PACRG: variants seen among roughly 807,000 people sequenced by gnomAD.
PACRG encodes the protein parkin coregulated gene protein.
A neutral mutation model predicts 29.7 loss-of-function variants in PACRG; 29 were observed. The ratio of observed to expected loss-of-function variants is 0.98; its 90% CI spans 0.73 to 1.33. The LOEUF (loss-of-function observed/expected upper bound fraction) is 1.33, where lower values mean the gene tolerates loss of function less well. Among genes scored for constraint, PACRG ranks in the 40% most tolerant of loss-of-function variants. The pLI is 0.00. For missense variants in PACRG, 279 were observed against 316.2 expected, an observed-to-expected ratio of 0.88 and a Z score of 0.89; for synonymous variants, 116 against 118.7, an observed-to-expected ratio of 0.98 and a Z score of 0.15.
chr6:163,012,657 G>A (rs1187660485), intron 2 of PACRG, among the ~76,000 whole-genome samples: 1 of 152,224 alleles, frequency 6.6e-6, no homozygotes, highest in Non-Finnish European at 1.5e-5. Context: ...AGCTGTGCCA[G>A]GCTGTGAACC....
intron 2 of PACRG, among the ~76,000 whole-genome samples, chr6:162,938,947 T>C (rs1039518476): frequency 2.0e-5 from 3 of 152,332 alleles, no homozygotes; most frequent in East Asian, 1.9e-4. Flanking sequence ...TCCCACTCTG[T>C]GGGTTGTCTA....
intron 4 of PACRG, among the ~76,000 whole-genome samples, chr6:163,254,103 G>C (rs774342333): frequency 2.6e-5 from 4 of 152,184 alleles, no homozygotes; most frequent in East Asian, 1.9e-4. Flanking sequence ...CTTGGGCATC[G>C]GGACAGCAGC....
intron 1 of PACRG, among the ~76,000 whole-genome samples, chr6:162,789,187 T>A (rs1784746586): frequency 6.6e-6 from 1 of 152,170 alleles, no homozygotes; most frequent in South Asian, 2.1e-4. Context: ...ATGGAAAATA[T>A]GTTTCTTCCC....
intron 3 of PACRG, among the ~76,000 whole-genome samples, chr6:163,063,345 C>G (rs1434116774): frequency 1.3e-5 from 2 of 152,124 alleles, no homozygotes; most frequent in Non-Finnish European, 2.9e-5. Context: ...CAAGTTCTAC[C>G]TCATCTTCCA....
chr6:163,144,349 C>T (rs111879894), intron 4 of PACRG, among the ~76,000 whole-genome samples: 1 of 97,368 alleles, frequency 1.0e-5, no homozygotes, highest in Non-Finnish European at 2.1e-5. Flanking sequence ...CACATACATA[C>T]ACACACACAC....
intron 4 of PACRG, among the ~76,000 whole-genome samples, chr6:163,281,715 AT>A (rs1206799387): frequency 6.6e-6 from 1 of 152,216 alleles, no homozygotes; most frequent in African/African-American, 2.4e-5. Context: ...AAAATTCAGA[AT>A]CCATAGAGTA....
intron 4 of PACRG, among the ~76,000 whole-genome samples, chr6:163,141,444 GTT>G (rs61532073): frequency 0.3 from 44,000 of 147,118 alleles, 6,885 homozygotes; most frequent in East Asian, 0.62. Context: ...TAATGTATGT[GTT>G]TTTTTTTTTT....
chr6:162,920,509 T>C (rs1014964143), intron 2 of PACRG, among the ~76,000 whole-genome samples: 3 of 152,200 alleles, frequency 2.0e-5, no homozygotes, highest in Admixed American at 2.0e-4. Context: ...TGAGAAGTTA[T>C]GGATGGATGA....
At chr6:162,879,116 AC>A (rs1288107976) in intron 2 of PACRG, among the ~76,000 whole-genome samples, 2 of 152,026 alleles carry the variant, frequency 1.3e-5, no homozygotes. Context: ...TCAAAAATTA[AC>A]CCCCCATGTA....
intron 4 of PACRG, among the ~76,000 whole-genome samples, chr6:163,296,708 G>A (rs969768308): frequency 3.3e-5 from 5 of 152,162 alleles, no homozygotes; most frequent in East Asian, 1.9e-4. Flanking sequence ...ACTGTAGCAC[G>A]CAGAGATATG....
chr6:162,852,027 G>GGAAA (rs1790951817), intron 2 of PACRG, among the ~76,000 whole-genome samples: 1 of 150,142 alleles, frequency 6.7e-6, no homozygotes. Context: ...AAGGAAGGAA[G>GGAAA]GAAGGAAGGA....
At chr6:163,272,931 G>T (rs1158149049) in intron 4 of PACRG, among the ~76,000 whole-genome samples, 2 of 101,388 alleles carry the variant, frequency 2.0e-5, no homozygotes, top group Admixed American at 1.1e-4. Context: ...TTGCTCTGTC[G>T]CCCAGGCTGG....
At chr6:163,230,160 A>G (rs887006724) in intron 4 of PACRG, among the ~76,000 whole-genome samples, 15 of 152,304 alleles carry the variant, frequency 9.8e-5, no homozygotes, top group African/African-American at 3.6e-4. Context: ...CATGCATTAC[A>G]GTTTTTAAAG....
intron 2 of PACRG, among the ~76,000 whole-genome samples, chr6:162,894,040 T>C (rs1460890509): frequency 6.6e-6 from 1 of 152,202 alleles, no homozygotes; most frequent in African/African-American, 2.4e-5. Context: ...CGGCGCACCA[T>C]TGTCCTTTTT....
chr6:162,885,235 C>T (rs1217955852), intron 2 of PACRG, among the ~76,000 whole-genome samples: 1 of 141,732 alleles, frequency 7.1e-6, no homozygotes, highest in Admixed American at 7.0e-5. Flanking sequence ...TTTGAGTAAC[C>T]TTTTTTTTTT....
chr6:163,258,585 G>A (rs1276017660), intron 4 of PACRG, among the ~76,000 whole-genome samples: 3 of 151,942 alleles, frequency 2.0e-5, no homozygotes, highest in Non-Finnish European at 4.4e-5. Flanking sequence ...GTGAAACCCT[G>A]TCTCTACTAA....
At chr6:162,789,366 A>G (rs924293066) in intron 1 of PACRG, among the ~76,000 whole-genome samples, 2 of 152,184 alleles carry the variant, frequency 1.3e-5, no homozygotes, top group African/African-American at 2.4e-5. Context: ...GTTGAAATAT[A>G]TAAATTTCTT....
At chr6:162,998,666 T>C (rs1216756778) in intron 2 of PACRG, among the ~76,000 whole-genome samples, 1 of 152,242 alleles carries the variant, frequency 6.6e-6, no homozygotes, top group African/African-American at 2.4e-5. Flanking sequence ...CAGTACAATT[T>C]CATAGTCAAA....
intron 2 of PACRG, among the ~76,000 whole-genome samples, chr6:162,977,305 A>G (rs897205729): frequency 2.0e-5 from 3 of 152,112 alleles, no homozygotes; most frequent in Admixed American, 6.6e-5. Flanking sequence ...ATAAATGAAT[A>G]TAAATTGTCA....
Sources: allele counts gnomAD v4.1 joint callset (sites outside exome capture counted in the v4.1 genomes callset), GRCh38; gene constraint gnomAD v4.1.1; transcripts MANE v1.5; gene names NCBI Gene and HGNC (gene_info 2026-07-23, HGNC 2026-07-21).